TOLLIP: variants seen among roughly 807,000 people sequenced by gnomAD.
TOLLIP encodes the protein toll interacting protein, also known as toll-interacting protein.
TOLLIP carries 16 observed loss-of-function variants against 33.5 expected under a neutral mutation model. That is an observed-to-expected ratio of 0.48 (90% CI 0.32 to 0.72). TOLLIP has a LOEUF of 0.72. TOLLIP is among the 30% of genes least tolerant of loss of function. TOLLIP has a pLI of 0.03. For missense variants in TOLLIP, 325 were observed against 396.6 expected (o/e 0.82, Z 1.53); for synonymous variants, 176 against 163.7 (o/e 1.07, Z -0.57).
chr11:1,302,176 C>T (rs955117807), intron 1 of TOLLIP, among the ~76,000 whole-genome samples: 3 of 152,246 alleles, frequency 2.0e-5, no homozygotes, highest in African/African-American at 7.2e-5. Flanking sequence ...AATGGCCCAT[C>T]CACCCGATGC....
In TOLLIP at chr11:1,309,489, TG is replaced by T; in HGVS notation, c.9del (p.Thr4ProfsTer52). MA[T>X]TVSTQRGPVY... ...ACCGGCCCGCGCTGAGTGCTGACGGTGGTCGCCATGGTGCTGCGGCGGCCCC... is the reference window on the plus strand; with the variant it reads ...ACCGGCCCGCGCTGAGTGCTGACGGTGTCGCCATGGTGCTGCGGCGGCCCC... On this transcript the variant is annotated frameshift_variant, in exon 1 of 6. Coordinates refer to ENST00000317204, the MANE Select transcript of TOLLIP (RefSeq NM_019009.4). LOFTEE classifies it high-confidence loss of function. 7.5e-7 allele frequency: 1 copy of T among 1,337,606 alleles called. No homozygotes were observed. 82.9% of individuals were successfully genotyped at this position (1,337,606 alleles called of 1,614,324 possible). A position where few individuals can be genotyped will look rare whatever the true frequency, so the allele number is the denominator to read the frequency against.
At chr11:1,301,790 A>C (rs988368186) in intron 1 of TOLLIP, among the ~76,000 whole-genome samples, 3 of 152,242 alleles carry the variant, frequency 2.0e-5, no homozygotes, top group Admixed American at 1.3e-4. Flanking sequence ...GACCCACAGC[A>C]GGAAGACCTG....
At chr11:1,291,774 T>C (rs1863960020) in intron 2 of TOLLIP, 3 of 150,598 alleles carry the variant, frequency 2.0e-5, no homozygotes, top group Non-Finnish European at 4.3e-5. Flanking sequence ...GGCCGCCCCG[T>C]CCTCACCGAC....
In TOLLIP at chr11:1,297,706, G is replaced by A. The variant is rs370999509; in HGVS notation, c.34-1912C>T. Among the ~76,000 whole-genome samples, 72 of 152,278 alleles carry A rather than the reference G, an allele frequency of 4.7e-4. 1 individual carries two copies. The South Asian group carries it at 0.014, about 29-fold the overall frequency. On this transcript the variant is annotated intron_variant, in intron 1 of 5. Coordinates refer to ENST00000317204, the MANE Select transcript of TOLLIP (RefSeq NM_019009.4). ...GAGGGTGTGGCATAGGCCAGGGCCC[G>A]GAGGGACCCCCTGCCCTTACGGACA... is the stretch of plus-strand genomic sequence containing the variant.
intron 1 of TOLLIP, among the ~76,000 whole-genome samples, chr11:1,307,718 G>A (rs2133937538): frequency 6.6e-6 from 1 of 152,300 alleles, no homozygotes; most frequent in East Asian, 1.9e-4. Flanking sequence ...GGCAACTTGC[G>A]GGGACTCACT....
At chr11:1,299,830 G>A (rs4963060) in intron 1 of TOLLIP, among the ~76,000 whole-genome samples, 37,565 of 152,138 alleles carry the variant, frequency 0.25, 5,007 homozygotes, top group Middle Eastern at 0.32. Context: ...AAAACGCCCC[G>A]TCCACCAGCC....
In TOLLIP at chr11:1,303,479, A is replaced by T. The variant is rs1028742266; in HGVS notation, c.33+5987T>A. On this transcript the variant is annotated intron_variant, in intron 1 of 5. Transcript: ENST00000317204. The surrounding 1 kb of genome is among the most constrained non-coding windows in gnomAD (Gnocchi z 4.2). ...CCTGCTCCTGGGATGCTTACACGTG[A>T]GTGGAAGAAGACAAACGGGAAGCAT... Among the ~76,000 whole-genome samples the T allele has an allele frequency of 2.6e-5, 4 of 152,214 alleles. No individual in the cohort carries two copies.
At chr11:1,281,654 C>T (rs1237187474) in intron 5 of TOLLIP, among the ~76,000 whole-genome samples, 3 of 152,374 alleles carry the variant, frequency 2.0e-5, no homozygotes, top group South Asian at 2.1e-4. Context: ...TGGCCCACTC[C>T]GGCAGCCCCG....
chr11:1,288,688 T>C lies in TOLLIP; in HGVS notation c.455A>G (p.Tyr152Cys). The C allele has an allele frequency of 6.2e-7, 1 of 1,612,918 alleles. No individual in the cohort carries two copies. Among genetic ancestry groups the C allele is most frequent in the Non-Finnish European group, 8.5e-7 (1 of 1,179,864 alleles). The change falls in exon 4 of 6, where the codon TAC (tyrosine) becomes TGC (cysteine). Residue 152 changes from tyrosine (Y) to cysteine (C), a missense_variant. Transcript: ENST00000317204. ...GTCCCCCTGCCTCCCGCTCAGGCTG[T>C]ACCACTTGTCCTCCACCTTGCCCTG... ...LRQGKVEDKW[Y>C]SLSGRQGDDK... is the part of the protein sequence containing the mutation.
At chr11:1,304,154 C>G (rs1481138468) in intron 1 of TOLLIP, among the ~76,000 whole-genome samples, 1 of 151,964 alleles carries the variant, frequency 6.6e-6, no homozygotes, top group Non-Finnish European at 1.5e-5. Flanking sequence ...GGGACATCCA[C>G]TCCCGGGCTG....
chr11:1,292,217 C>G (rs574942163), intron 2 of TOLLIP: 1 of 152,412 alleles, frequency 6.6e-6, no homozygotes, highest in African/African-American at 2.4e-5. Context: ...ACTCCAAACT[C>G]TGCCCCTGTA....
At chr11:1,297,235 C>T (rs1168662357) in intron 1 of TOLLIP, among the ~76,000 whole-genome samples, 1 of 152,176 alleles carries the variant, frequency 6.6e-6, no homozygotes, top group Non-Finnish European at 1.5e-5. Context: ...GTGCCATGGA[C>T]TCCCAATGAC....
chr11:1,276,785 G>T lies in TOLLIP; in HGVS notation c.*254C>A. 6.6e-7 allele frequency: 1 copy of T among 1,516,638 alleles called. No homozygotes were observed. The highest frequency in any genetic ancestry group is 1.2e-5 in the South Asian group (1 of 83,050). The allele number at this position is 1,516,638 out of a possible 1,614,324, so 93.9% of individuals were successfully genotyped here. A position where few individuals can be genotyped will look rare whatever the true frequency, so the allele number is the denominator to read the frequency against. On this transcript the variant is annotated 3_prime_UTR_variant, in exon 6 of 6. Coordinates refer to ENST00000317204, the MANE Select transcript of TOLLIP (RefSeq NM_019009.4). ...AACGGCATGAGAAGGAGAGACGCAC[G>T]TCCCAGGGACAGGAGAGCGCGCTGA...
At chr11:1,286,195 A>C in intron 4 of TOLLIP, 103 bp from the exon 5 acceptor site, 1 of 859,912 alleles carries the variant, frequency 1.2e-6, no homozygotes, top group South Asian at 1.6e-5. Context: ...GCCAGCCCAG[A>C]ATCGCCCTCC....
chr11:1,301,934 A>C (rs1310470091), intron 1 of TOLLIP, among the ~76,000 whole-genome samples: 2 of 152,232 alleles, frequency 1.3e-5, no homozygotes, highest in African/African-American at 4.8e-5. Flanking sequence ...AGTGTCTGCT[A>C]GGAAGGGAGC....
intron 5 of TOLLIP, among the ~76,000 whole-genome samples, chr11:1,280,036 C>T (rs1043095129): frequency 1.3e-5 from 2 of 152,218 alleles, no homozygotes; most frequent in Non-Finnish European, 2.9e-5. Flanking sequence ...AGAAAACCTA[C>T]GTGATTCTTT....
rs1049482107 is a variant in TOLLIP, at chr11:1,275,466, G to C, written c.*1573C>G. On this transcript the variant is annotated 3_prime_UTR_variant, in exon 6 of 6. Coordinates refer to ENST00000317204, the MANE Select transcript of TOLLIP (RefSeq NM_019009.4). ...GGAGAAGAAATCTACACAGGCGTAA[G>C]ACCAGGCCATCTGAGACAGGGAATC... 1.3e-5 allele frequency: 2 copies of C among 152,136 alleles called. No homozygotes were observed. Among genetic ancestry groups the C allele is most frequent in the African/African-American group, 2.4e-5 (1 of 41,404 alleles). 9.4% of individuals were successfully genotyped at this position (152,136 alleles called of 1,614,324 possible). A position where few individuals can be genotyped will look rare whatever the true frequency, so the allele number is the denominator to read the frequency against.
In TOLLIP at chr11:1,300,001, A is replaced by G. The variant is rs375034388; in HGVS notation, c.34-4207T>C. Among the ~76,000 whole-genome samples, 9 of 152,364 alleles carry G rather than the reference A, an allele frequency of 5.9e-5. No individual in the cohort carries two copies. The East Asian group carries it at 1.2e-3, about 20-fold the overall frequency. On this transcript the variant is annotated intron_variant, in intron 1 of 5. Transcript: ENST00000317204. ...CCTCTGTCGACACCAACTCTGGAGG[A>G]GCATTCAGGAATGGAACTCGAGGGA...
intron 5 of TOLLIP, chr11:1,283,290 G>A (rs764764201): frequency 9.6e-5 from 30 of 314,072 alleles, no homozygotes; most frequent in Non-Finnish European, 6.9e-5. Flanking sequence ...TACCCTAGGA[G>A]CAAGATGGGG....
Sources: gnomAD v4.1 joint callset for allele counts (sites outside exome capture counted in the v4.1 genomes callset) on GRCh38, gnomAD v4.1.1 for gene constraint, Gnocchi (gnomAD v3.1) non-coding constraint, MANE v1.5 for transcripts, NCBI Gene and HGNC (gene_info 2026-07-23, HGNC 2026-07-21) for gene names.